Variants in TLL1 observed in about 807,000 individuals in gnomAD.
The protein encoded by TLL1 is tolloid like 1.
In TLL1, 49 loss-of-function variants were observed where a neutral mutation model predicts 128.2. That is an observed-to-expected ratio of 0.38 (90% CI 0.30 to 0.48). The LOEUF is 0.48. Among genes scored for constraint, TLL1 ranks in the 20% least tolerant of loss-of-function variants. The probability of loss-of-function intolerance (pLI) is 0.96; values close to 1 mark genes in which losing one functional copy is unlikely to be tolerated. For missense variants in TLL1, 1,123 were observed against 1,242.0 expected (o/e 0.90, Z 1.44); for synonymous variants, 454 against 418.8 (o/e 1.08, Z -1.03).
At chr4:166,065,374 G>C (rs568416883) in intron 15 of TLL1, among the ~76,000 whole-genome samples, 1 of 152,030 alleles carries the variant, frequency 6.6e-6, no homozygotes, top group Non-Finnish European at 1.5e-5. Flanking sequence ...ACTGGACTAA[G>C]CCGAACTCCT....
At chr4:166,017,222 G>A (rs1013844935) in intron 8 of TLL1, among the ~76,000 whole-genome samples, 1 of 152,070 alleles carries the variant, frequency 6.6e-6, no homozygotes, top group Non-Finnish European at 1.5e-5. Flanking sequence ...AATTCACTTC[G>A]GATTATGGCC....
intron 1 of TLL1, among the ~76,000 whole-genome samples, chr4:165,931,269 A>G (rs1461742268): frequency 1.3e-5 from 2 of 152,142 alleles, no homozygotes; most frequent in Non-Finnish European, 2.9e-5. Flanking sequence ...AGCATAGGAG[A>G]GTTATCTTGA....
chr4:166,082,601 T>C (rs1430072697), intron 18 of TLL1, among the ~76,000 whole-genome samples: 5 of 152,290 alleles, frequency 3.3e-5, no homozygotes, highest in Middle Eastern at 6.8e-3. Flanking sequence ...GGAAATTTCA[T>C]CAAGATGTTA....
At chr4:165,878,199 A>T (rs749461749) in intron 1 of TLL1, among the ~76,000 whole-genome samples, 2 of 151,984 alleles carry the variant, frequency 1.3e-5, no homozygotes, top group African/African-American at 4.8e-5. Flanking sequence ...TTCGAATTTG[A>T]TGTTCTTTTC....
chr4:166,047,448 G>T (rs1203087731), intron 12 of TLL1, among the ~76,000 whole-genome samples: 1 of 150,382 alleles, frequency 6.6e-6, no homozygotes, highest in African/African-American at 2.4e-5. Flanking sequence ...ACAGGTATGA[G>T]CCACCGCACC....
intron 7 of TLL1, among the ~76,000 whole-genome samples, chr4:166,010,924 T>A (rs1737664073): frequency 1.3e-5 from 2 of 151,288 alleles, no homozygotes; most frequent in African/African-American, 4.8e-5. Context: ...AATTGAGGAA[T>A]CTTGACACCC....
intron 1 of TLL1, among the ~76,000 whole-genome samples, chr4:165,962,926 G>A (rs55737064): frequency 5.9e-5 from 9 of 151,668 alleles, no homozygotes; most frequent in Admixed American, 2.6e-4. Context: ...ATGGTGGCAC[G>A]TGCCTGTAAT....
At chr4:166,082,065 G>A (rs1450468573) in intron 18 of TLL1, among the ~76,000 whole-genome samples, 3 of 152,134 alleles carry the variant, frequency 2.0e-5, no homozygotes, top group Non-Finnish European at 4.4e-5. Context: ...GAAGCAAAAT[G>A]AGAGCTTTCA....
Position 166,007,972 on chromosome 4 carries a change from C to T in TLL1, c.841C>T (p.Pro281Ser). The T allele has an allele frequency of 6.2e-7, 1 of 1,609,452 alleles. No homozygotes were observed. Among genetic ancestry groups the T allele is most frequent in the East Asian group, 2.2e-5 (1 of 44,726 alleles). The change falls in exon 7 of 21, where the codon CCT (proline) becomes TCT (serine). Residue 281 changes from proline to serine, a missense_variant. Pro to Ser is a moderately conservative substitution (Grantham distance 74). Around this residue, in one of 3 missense-constraint regions of TLL1, gnomAD observed 480 missense variants for 542.4 expected, o/e 0.89. Coordinates refer to ENST00000061240, the MANE Select transcript of TLL1 (RefSeq NM_012464.5). ...GQEYNFLKME[P>S]GEVNSLGERY... ...AGAGTACAATTTTCTGAAGATGGAG[C>T]CTGGAGAAGTAAACTCACTTGGAGA...
intron 11 of TLL1, 105 bp from the exon 12 acceptor site, chr4:166,043,169 T>G: frequency 6.8e-7 from 1 of 1,470,102 alleles, no homozygotes; most frequent in East Asian, 2.3e-5. Flanking sequence ...CTGGTCTTTA[T>G]GTACTGAGCT....
intron 5 of TLL1, among the ~76,000 whole-genome samples, chr4:165,997,942 A>G (rs1044587628): frequency 4.6e-5 from 7 of 152,192 alleles, no homozygotes; most frequent in Admixed American, 1.3e-4. Flanking sequence ...GAACTGAGCT[A>G]TAAGTATTTT....
rs1311092036 is a variant in TLL1, at chr4:166,102,379, TTGTC to T, written c.*1506_*1509del. 2.0e-5 allele frequency: 3 copies of T among 152,438 alleles called. No homozygotes were observed. The highest frequency in any genetic ancestry group is 6.6e-5 in the Admixed American group (1 of 15,228). 9.4% of individuals were successfully genotyped at this position (152,438 alleles called of 1,614,324 possible). A position where few individuals can be genotyped will look rare whatever the true frequency, so the allele number is the denominator to read the frequency against. ...AAAATTAATGAATGTAGATGTGTGA[TTGTC>T]TGAGTGAGTGAAACTACAAGAGGTA... On this transcript the variant is annotated 3_prime_UTR_variant, in exon 21 of 21. Coordinates refer to ENST00000061240, the MANE Select transcript of TLL1 (RefSeq NM_012464.5).
chr4:166,064,766 G>A (rs1740495619), intron 15 of TLL1, among the ~76,000 whole-genome samples: 1 of 152,014 alleles, frequency 6.6e-6, no homozygotes, highest in Non-Finnish European at 1.5e-5. Context: ...AATTGCAATT[G>A]TAACAAAGTA....
intron 17 of TLL1, among the ~76,000 whole-genome samples, chr4:166,076,816 T>A (rs1741051444): frequency 6.6e-6 from 1 of 151,904 alleles, no homozygotes; most frequent in Admixed American, 6.6e-5. Flanking sequence ...ACCTTCCACT[T>A]TATTGTAATC....
At chr4:166,056,872 C>G (rs1038992324) in intron 13 of TLL1, among the ~76,000 whole-genome samples, 1 of 152,066 alleles carries the variant, frequency 6.6e-6, no homozygotes, top group African/African-American at 2.4e-5. Context: ...CCATCAGGGG[C>G]TTATACGTTG....
chr4:166,052,640 T>G (rs1739798172), intron 12 of TLL1, among the ~76,000 whole-genome samples: 1 of 152,090 alleles, frequency 6.6e-6, no homozygotes, highest in Non-Finnish European at 1.5e-5. Flanking sequence ...AGATGTTGCT[T>G]CCTTCATTGT....
At chr4:166,006,884 C>T (rs916105273) in intron 6 of TLL1, among the ~76,000 whole-genome samples, 5 of 151,660 alleles carry the variant, frequency 3.3e-5, no homozygotes, top group Non-Finnish European at 1.5e-5. Flanking sequence ...ATTGGAGAGA[C>T]ATAACTCAAT....
intron 1 of TLL1, among the ~76,000 whole-genome samples, chr4:165,983,728 G>A (rs1219427417): frequency 6.6e-6 from 1 of 151,702 alleles, no homozygotes; most frequent in Non-Finnish European, 1.5e-5. Flanking sequence ...AGTATGTTTG[G>A]ACAGTTTCTT....
At chr4:166,017,705 A>T (rs1738018192) in intron 8 of TLL1, among the ~76,000 whole-genome samples, 1 of 151,026 alleles carries the variant, frequency 6.6e-6, no homozygotes. Context: ...CTCTTTTTTT[A>T]TGTTTCTTTC....
Sources: gnomAD v4.1 joint callset for allele counts (sites outside exome capture counted in the v4.1 genomes callset) on GRCh38, gnomAD v4.1.1 for gene constraint, gnomAD v4.1.1 regional missense constraint, MANE v1.5 for transcripts, NCBI Gene and HGNC (gene_info 2026-07-23, HGNC 2026-07-21) for gene names.